Variants in QTGAL observed in about 807,000 individuals in gnomAD.
The protein encoded by QTGAL is BGnT-like protein 1.
At chr17:82,997,053 C>A in the QTGAL span, among the ~76,000 whole-genome samples, 3 of 152,152 alleles carry the variant, frequency 2.0e-5, no homozygotes, top group African/African-American at 7.2e-5. Flanking sequence ...GACGGGATCA[C>A]ATCAAGTTAA....
chr17:82,989,930 G>C, the QTGAL span, among the ~76,000 whole-genome samples: 1 of 152,344 alleles, frequency 6.6e-6, no homozygotes, highest in African/African-American at 2.4e-5. Flanking sequence ...CCTAAGAGCT[G>C]GCTGACTTTC....
chr17:83,025,145 CCACA>C, the QTGAL span, among the ~76,000 whole-genome samples: 4 of 151,156 alleles, frequency 2.6e-5, no homozygotes, highest in Non-Finnish European at 4.4e-5. Flanking sequence ...ACTGTGAAGT[CCACA>C]CACACACAGA....
At chr17:83,050,144 G>A in the QTGAL span, among the ~76,000 whole-genome samples, 3 of 152,152 alleles carry the variant, frequency 2.0e-5, no homozygotes, top group East Asian at 3.8e-4. Flanking sequence ...GCCGAGGCGG[G>A]CAGATCATCT....
the QTGAL span, among the ~76,000 whole-genome samples, chr17:83,021,568 C>T: frequency 1.3e-5 from 2 of 152,110 alleles, no homozygotes; most frequent in African/African-American, 4.8e-5. Flanking sequence ...GATTAGAAGA[C>T]TCAATACTAA....
At chr17:82,960,589 G>A in the QTGAL span, 26 of 156,172 alleles carry the variant, frequency 1.7e-4, no homozygotes, top group Non-Finnish European at 3.0e-4. Context: ...CCACGTGGCC[G>A]CTCCTCACAG....
chr17:82,955,692 T>C, the QTGAL span, among the ~76,000 whole-genome samples: 1 of 152,186 alleles, frequency 6.6e-6, no homozygotes, highest in Non-Finnish European at 1.5e-5. Flanking sequence ...TAAAGATACA[T>C]GCACGCATAT....
the QTGAL span, chr17:82,943,819 A>C: frequency 6.6e-6 from 1 of 152,250 alleles, no homozygotes; most frequent in Non-Finnish European, 1.5e-5. Flanking sequence ...ATTTTATTCC[A>C]ACCTGTGTAA....
the QTGAL span, among the ~76,000 whole-genome samples, chr17:82,964,578 A>T: frequency 6.8e-6 from 1 of 146,546 alleles, no homozygotes; most frequent in Non-Finnish European, 1.5e-5. Flanking sequence ...GGACGCCTGC[A>T]GGTGCACCCC....
chr17:82,999,077 T>A, the QTGAL span, among the ~76,000 whole-genome samples: 1 of 152,216 alleles, frequency 6.6e-6, no homozygotes, highest in Non-Finnish European at 1.5e-5. Flanking sequence ...CTTTGGCAGT[T>A]TCTTTAAAAG....
chr17:82,986,803 G>A, the QTGAL span, among the ~76,000 whole-genome samples: 1 of 152,238 alleles, frequency 6.6e-6, no homozygotes, highest in Non-Finnish European at 1.5e-5. Flanking sequence ...ATTACATGGT[G>A]CGATCACAAG....
chr17:82,984,441 G>A, the QTGAL span, among the ~76,000 whole-genome samples: 1 of 145,718 alleles, frequency 6.9e-6, no homozygotes, highest in Non-Finnish European at 1.5e-5. Context: ...GCAGGGAGAG[G>A]CCACAGGAGG....
At chr17:82,957,325 G>A in the QTGAL span, 1 of 1,613,924 alleles carries the variant, frequency 6.2e-7, no homozygotes, top group East Asian at 2.2e-5. Context: ...ACGGGGGCAG[G>A]GCAGGCAGTG....
chr17:82,980,487 C>T, the QTGAL span, among the ~76,000 whole-genome samples: 230 of 152,350 alleles, frequency 1.5e-3, no homozygotes, highest in African/African-American at 4.9e-3. Context: ...CTTCCAATGC[C>T]AACTGAAGTC....
chr17:83,024,810 C>T, the QTGAL span, among the ~76,000 whole-genome samples: 1 of 152,228 alleles, frequency 6.6e-6, no homozygotes, highest in Non-Finnish European at 1.5e-5. Flanking sequence ...GAGGAGTGAC[C>T]AGAACGCTGT....
chr17:82,965,783 G>C, the QTGAL span: 22 of 1,564,326 alleles, frequency 1.4e-5, no homozygotes, highest in Non-Finnish European at 1.9e-5. Context: ...TAGCGGAAAA[G>C]AACAGCTTGT....
the QTGAL span, among the ~76,000 whole-genome samples, chr17:82,963,036 C>G: frequency 6.6e-6 from 1 of 152,134 alleles, no homozygotes; most frequent in Non-Finnish European, 1.5e-5. Flanking sequence ...CCTGGCGGGG[C>G]GCAGGGAGAG....
At chr17:82,985,254 A>C in the QTGAL span, among the ~76,000 whole-genome samples, 1 of 152,252 alleles carries the variant, frequency 6.6e-6, no homozygotes, top group African/African-American at 2.4e-5. Flanking sequence ...GACACATCAA[A>C]AGTCAAATCA....
the QTGAL span, among the ~76,000 whole-genome samples, chr17:83,032,111 C>G: frequency 3.3e-3 from 380 of 114,736 alleles, no homozygotes; most frequent in East Asian, 5.0e-3. Flanking sequence ...GGCCTCCGAC[C>G]CAGACCGAGC....
chr17:82,964,028 C>CTGGG, the QTGAL span, among the ~76,000 whole-genome samples: 1 of 139,586 alleles, frequency 7.2e-6, no homozygotes, highest in African/African-American at 2.6e-5. Flanking sequence ...AGGCTGAGGT[C>CTGGG]GGGGGGGTGG....
Sources: allele counts gnomAD v4.1 joint callset (sites outside exome capture counted in the v4.1 genomes callset), GRCh38; gene constraint gnomAD v4.1.1; transcripts MANE v1.5; gene names NCBI Gene and HGNC (gene_info 2026-07-23, HGNC 2026-07-21).